Variants in KREMEN2 observed in about 807,000 individuals in gnomAD.
KREMEN2 encodes kringle containing transmembrane protein 2.
Under a neutral mutation model 49.8 loss-of-function variants are expected in KREMEN2, and 43 were observed. The observed-to-expected ratio is 0.86, with a 90% CI of 0.68 to 1.11. The LOEUF is 1.11. Ranked by LOEUF, KREMEN2 falls within the 50% of genes most tolerant of loss-of-function variation. The pLI, the probability that KREMEN2 is intolerant of heterozygous loss-of-function variation, is 0.00. For missense variants in KREMEN2, 686 were observed against 665.7 expected (o/e 1.03, Z -0.34); for synonymous variants, 355 against 304.9 (o/e 1.16, Z -1.71).
rs1773505606 is a variant in KREMEN2 at position 2,967,208 on chromosome 16, C to T, written c.939C>T (p.Arg313=). 3.0e-6 allele frequency: 4 copies of T among 1,354,654 alleles called. No homozygotes were observed. The highest frequency in any genetic ancestry group is 1.8e-5 in the South Asian group (1 of 54,166). The allele number at this position is 1,354,654 out of a possible 1,614,324, so 83.9% of individuals were successfully genotyped here. The change falls in exon 6 of 9, where the codon CGC becomes CGT. Residue 313 remains arginine (R), a synonymous_variant. Transcript: ENST00000303746. The stretch of plus-strand genomic sequence containing the variant: ...TGCTCACCTTCCGAAGCGACGCGCG[C>T]GGCCACGCGCAAGGCTTCGCGCTCA... The part of the protein sequence containing the change: ...ALLLTFRSDA[R]GHAQGFALTY...
Position 2,968,351 on chromosome 16 carries a change from C to A in KREMEN2, c.*331C>A. The A allele has an allele frequency of 6.5e-7, 1 of 1,535,378 alleles. No individual in the cohort carries two copies. The highest frequency in any genetic ancestry group is 8.7e-7 in the Non-Finnish European group (1 of 1,146,578). On this transcript the variant is annotated 3_prime_UTR_variant, in exon 9 of 9. Coordinates refer to ENST00000303746, the MANE Select transcript of KREMEN2 (RefSeq NM_172229.3). The stretch of plus-strand genomic sequence containing the variant: ...AGCAAAAACAGTCAAAAAACCCCCA[C>A]AGATTTTGAATAAAGGATCTACTTT...
At position 2,968,235 on chromosome 16, in the gene KREMEN2, C is replaced by G; in HGVS notation, c.*215C>G. 1 of 932,872 alleles carries G rather than the reference C, an allele frequency of 1.1e-6. No homozygotes were observed. The highest frequency in any genetic ancestry group is 1.6e-6 in the Non-Finnish European group (1 of 613,288). The allele number at this position is 932,872 out of a possible 1,614,324, so 57.8% of individuals were successfully genotyped here. On this transcript the variant is annotated 3_prime_UTR_variant, in exon 9 of 9. Coordinates refer to ENST00000303746, the MANE Select transcript of KREMEN2 (RefSeq NM_172229.3). ...GATGGTCCAGGCCCTCTCCATGGACCTGTATGTGGGGGTGGTCTCTGGTTT... is the reference window on the plus strand; with the variant it reads ...GATGGTCCAGGCCCTCTCCATGGACGTGTATGTGGGGGTGGTCTCTGGTTT...
chr16:2,964,783 G>A (rs1180982588), intron 1 of KREMEN2, 76 bp from the exon 2 acceptor site: 6 of 1,540,730 alleles, frequency 3.9e-6, no homozygotes, highest in Non-Finnish European at 5.3e-6. Flanking sequence ...TGGGGACCCA[G>A]GCGGGAGGTG....
Position 2,966,896 on chromosome 16 carries a change from G to A in KREMEN2, c.641-14G>A, listed in dbSNP as rs781405338. On this transcript the variant is annotated splice_polypyrimidine_tract_variant and intron_variant, in intron 5 of 8. Transcript: ENST00000303746. The surrounding 1 kb of genome is among the most constrained non-coding windows in gnomAD (Gnocchi z 8.4). ...CCTGGTCCTCAGGATGCTGACTGCC[G>A]GCCCCGCCCGCAGTGTCGGTGGGCT... is the stretch of plus-strand genomic sequence containing the variant. The A allele has an allele frequency of 4.5e-6, 7 of 1,540,890 alleles. No homozygotes were observed. In the East Asian group the frequency reaches 1.4e-4, roughly 31 times the overall value.
In KREMEN2 at chr16:2,964,347, C is replaced by T. The variant is rs2071775530; in HGVS notation, c.-174C>T. The T allele has an allele frequency of 3.9e-6, 2 of 509,196 alleles. No individual in the cohort carries two copies. The highest frequency in any genetic ancestry group is 5.8e-5 in the South Asian group (2 of 34,768). 31.5% of individuals were successfully genotyped at this position (509,196 alleles called of 1,614,324 possible). ...CTCTAGGGGCAGAGGCCCTGGGAGG[C>T]AAAGACCCCCAGGAGAGATTTACCC... On this transcript the variant is annotated 5_prime_UTR_variant, in exon 1 of 9. Coordinates refer to ENST00000303746, the MANE Select transcript of KREMEN2 (RefSeq NM_172229.3).
rs1445150823 is a variant in KREMEN2 at position 2,968,065 on chromosome 16, A to G, written c.*45A>G. 2 of 1,501,322 alleles carry G rather than the reference A, an allele frequency of 1.3e-6. No individual in the cohort carries two copies. Among genetic ancestry groups the G allele is most frequent in the East Asian group, 4.9e-5 (2 of 40,834 alleles). The allele number at this position is 1,501,322 out of a possible 1,614,324, so 93.0% of individuals were successfully genotyped here. ...GCTGGGCCCGCCGCCGGCGAGATGG[A>G]CACCTGAGATGCTGTGCTGCGCCCT... On this transcript the variant is annotated 3_prime_UTR_variant, in exon 9 of 9. Transcript: ENST00000303746.
Position 2,964,426 on chromosome 16 carries a change from C to A in KREMEN2, c.-95C>A. 3 of 832,950 alleles carry A rather than the reference C, an allele frequency of 3.6e-6. No individual in the cohort carries two copies. The highest frequency in any genetic ancestry group is 5.7e-6 in the Non-Finnish European group (3 of 529,408). The allele number at this position is 832,950 out of a possible 1,614,324, so 51.6% of individuals were successfully genotyped here. ...CGGACGAGGGGAGACTGTCAGAGGACAACGCCCCCTAGGTCTCCTGGGAGA... is the reference window on the plus strand; with the variant it reads ...CGGACGAGGGGAGACTGTCAGAGGAAAACGCCCCCTAGGTCTCCTGGGAGA... On this transcript the variant is annotated 5_prime_UTR_variant, in exon 1 of 9. Coordinates refer to ENST00000303746, the MANE Select transcript of KREMEN2 (RefSeq NM_172229.3).
In KREMEN2 at chr16:2,967,954, C is replaced by A; in HGVS notation, c.1323C>A (p.Ala441=). The A allele has an allele frequency of 1.3e-6, 2 of 1,585,496 alleles. No individual in the cohort carries two copies. Among genetic ancestry groups the A allele is most frequent in the Non-Finnish European group, 1.7e-6 (2 of 1,169,114 alleles). ...SPGDPQAEGS[A]AGYRPLSASS... is the part of the protein sequence containing the mutation. ...GGGACCCCCAGGCTGAGGGTTCTGC[C>A]GCGGGCTACCGGCCTCTGAGTGCCT... Residue 441 remains alanine, a synonymous_variant, in exon 9 of 9, where the codon GCC becomes GCA. Coordinates refer to ENST00000303746, the MANE Select transcript of KREMEN2 (RefSeq NM_172229.3).
At position 2,968,182 on chromosome 16, in the gene KREMEN2, T is replaced by C; in HGVS notation, c.*162T>C. On this transcript the variant is annotated 3_prime_UTR_variant, in exon 9 of 9. Transcript: ENST00000303746. ...ACAGGAAACATCTGGTGCTATTATC[T>C]GGGACTTGGCCTGACCGTGGGGGTC... The C allele has an allele frequency of 1.1e-6, 1 of 930,162 alleles. No individual in the cohort carries two copies. Among genetic ancestry groups the C allele is most frequent in the East Asian group, 2.6e-5 (1 of 38,082 alleles). The allele number at this position is 930,162 out of a possible 1,614,324, so 57.6% of individuals were successfully genotyped here. A position where few individuals can be genotyped will look rare whatever the true frequency, so the allele number is the denominator to read the frequency against.
In KREMEN2 at chr16:2,965,166, G is replaced by A. The variant is rs572299677; in HGVS notation, c.269+133G>A. On this transcript the variant is annotated intron_variant, in intron 2 of 8. Transcript: ENST00000303746. ...GCCCAGCCTCCTGGAGAACCTGGGG[G>A]CGGGGCCAGAATGAGGGGCGGGGCG... is the stretch of plus-strand genomic sequence containing the variant. The A allele has an allele frequency of 5.3e-4, 309 of 586,564 alleles. 2 individuals are homozygous for A. The African/African-American group carries it at 5.5e-3, about 10-fold the overall frequency. The allele number at this position is 586,564 out of a possible 1,614,324, so 36.3% of individuals were successfully genotyped here.
At chr16:2,965,333 G>A (rs1226740417) in intron 2 of KREMEN2, among the ~76,000 whole-genome samples, 4 of 152,120 alleles carry the variant, frequency 2.6e-5, no homozygotes, top group South Asian at 2.1e-4. Flanking sequence ...TGGTCAGAGC[G>A]GGGGCCGAAT....
rs62032327 is a variant in KREMEN2 at position 2,964,998 on chromosome 16, C to A, written c.234C>A (p.His78Gln). ...GCTACAGCAGCGCCAGCGACCCCCA[C>A]GGCCGCTGGGGGCTGGGCGCGCACA... ...QHSYSSASDPHGRWGLGAHNF... is the reference protein window; with the variant it reads ...QHSYSSASDPQGRWGLGAHNF... Residue 78 changes from histidine (H) to glutamine (Q), a missense_variant, in exon 2 of 9, where the codon CAC (histidine) becomes CAA (glutamine). Coordinates refer to ENST00000303746, the MANE Select transcript of KREMEN2 (RefSeq NM_172229.3). The A allele has an allele frequency of 1.2e-5, 18 of 1,563,212 alleles. No individual in the cohort carries two copies. The highest frequency in any genetic ancestry group is 1.5e-5 in the Non-Finnish European group (17 of 1,155,880).
chr16:2,964,378 A>C lies in KREMEN2; in HGVS notation c.-143A>C, dbSNP rs2151053423. ...CCCCCAGGAGAGATTTACCCACCCC[A>C]GACGGAAAGCGCGGCTCAGAGTCGG... On this transcript the variant is annotated 5_prime_UTR_variant, in exon 1 of 9. Coordinates refer to ENST00000303746, the MANE Select transcript of KREMEN2 (RefSeq NM_172229.3). The C allele has an allele frequency of 1.7e-6, 1 of 601,636 alleles. No individual in the cohort carries two copies. The highest frequency in any genetic ancestry group is 3.0e-5 in the East Asian group (1 of 32,906). 37.3% of individuals were successfully genotyped at this position (601,636 alleles called of 1,614,324 possible). A position where few individuals can be genotyped will look rare whatever the true frequency, so the allele number is the denominator to read the frequency against.
At position 2,966,081 on chromosome 16, in the gene KREMEN2, G is replaced by A; in HGVS notation, c.270-59G>A. ...ACTTTGAGCATAGGCTGCGGGGCCG[G>A]GCCTGGGTTTGCTATTCTTGGGGTG... On this transcript the variant is annotated intron_variant, in intron 2 of 8. Coordinates refer to ENST00000303746, the MANE Select transcript of KREMEN2 (RefSeq NM_172229.3). The surrounding 1 kb of genome is among the most constrained non-coding windows in gnomAD (Gnocchi z 8.4). 6.7e-7 allele frequency: 1 copy of A among 1,492,554 alleles called. No individual in the cohort carries two copies. Among genetic ancestry groups the A allele is most frequent in the South Asian group, 1.1e-5 (1 of 88,222 alleles). 92.5% of individuals were successfully genotyped at this position (1,492,554 alleles called of 1,614,324 possible).
At chr16:2,965,769 C>CAAA (rs5815141) in intron 2 of KREMEN2, among the ~76,000 whole-genome samples, 12 of 115,646 alleles carry the variant, frequency 1.0e-4, no homozygotes, top group African/African-American at 3.3e-4. Flanking sequence ...AGACTCGTCT[C>CAAA]AAAAAAAAAA....
At position 2,966,849 on chromosome 16, in the gene KREMEN2, C is replaced by G. The variant is rs1248466051; in HGVS notation, c.640+54C>G. 2.5e-6 allele frequency: 4 copies of G among 1,582,262 alleles called. No homozygotes were observed. The highest frequency in any genetic ancestry group is 1.1e-5 in the South Asian group (1 of 88,006). ...GGGCGGGCCTCGAGGTGGGGCCTGG[C>G]CGGGCAGGGGAGCCGCCGTGTCCTG... On this transcript the variant is annotated intron_variant, in intron 5 of 8. Coordinates refer to ENST00000303746, the MANE Select transcript of KREMEN2 (RefSeq NM_172229.3). The surrounding 1 kb of genome is among the most constrained non-coding windows in gnomAD (Gnocchi z 8.4).
rs1181171713 is a variant in KREMEN2, at chr16:2,966,629, T to C, written c.487-13T>C. The C allele has an allele frequency of 6.2e-7, 1 of 1,607,398 alleles. No homozygotes were observed. The highest frequency in any genetic ancestry group is 8.5e-7 in the Non-Finnish European group (1 of 1,179,660). ...CAGCCCCTGCCCTGGGGTCACCCAG[T>C]CTGTGCTCCCAGCTGGCGGGCGTGG... On this transcript the variant is annotated splice_polypyrimidine_tract_variant and intron_variant, in intron 4 of 8. Transcript: ENST00000303746. The surrounding 1 kb of genome is among the most constrained non-coding windows in gnomAD (Gnocchi z 8.4).
Position 2,966,147 on chromosome 16 carries a change from G to T in KREMEN2, c.277G>T (p.Asp93Tyr). ...LGAHNFCRNP[D>Y]GDVQPWCYVA... ...CCTCCCTCCCACCCGCAGTAACCCA[G>T]ACGGTGACGTGCAGCCGTGGTGCTA... is the stretch of plus-strand genomic sequence containing the variant. Residue 93 changes from aspartate (D) to tyrosine (Y), a missense_variant, in exon 3 of 9, where the codon GAC (aspartate) becomes TAC (tyrosine). By Grantham distance (160) the Asp-to-Tyr change is radical (BLOSUM62 -3). Coordinates refer to ENST00000303746, the MANE Select transcript of KREMEN2 (RefSeq NM_172229.3). The surrounding 1 kb of genome is among the most constrained non-coding windows in gnomAD (Gnocchi z 8.4). The T allele has an allele frequency of 6.2e-7, 1 of 1,612,008 alleles. No individual in the cohort carries two copies. Among genetic ancestry groups the T allele is most frequent in the Non-Finnish European group, 8.5e-7 (1 of 1,179,920 alleles).
chr16:2,966,424 G>C lies in KREMEN2; in HGVS notation c.461G>C (p.Arg154Pro), dbSNP rs751317761. 3 of 1,610,876 alleles carry C rather than the reference G, an allele frequency of 1.9e-6. No homozygotes were observed. The South Asian group carries it at 3.3e-5, about 18-fold the overall frequency. ...AAGCTCACGGTCCAGGTGTGCCTACGCTTCTGCCGCATGAAGGGGTACCAG... is the reference window on the plus strand; with the variant it reads ...AAGCTCACGGTCCAGGTGTGCCTACCCTTCTGCCGCATGAAGGGGTACCAG... ...STKLTVQVCLRFCRMKGYQLA... is the reference protein window; with the variant it reads ...STKLTVQVCLPFCRMKGYQLA... Residue 154 changes from arginine to proline, a missense_variant, in exon 4 of 9, where the codon CGC (arginine) becomes CCC (proline). Physicochemically the swap from Arg to Pro is moderately radical, Grantham distance 103. Transcript: ENST00000303746. The surrounding 1 kb of genome is among the most constrained non-coding windows in gnomAD (Gnocchi z 8.4).
Sources: allele counts gnomAD v4.1 joint callset (sites outside exome capture counted in the v4.1 genomes callset), GRCh38; gene constraint gnomAD v4.1.1; non-coding constraint Gnocchi (gnomAD v3.1); transcripts MANE v1.5; gene names NCBI Gene and HGNC (gene_info 2026-07-23, HGNC 2026-07-21).